Variants in SCAI observed in about 807,000 individuals in gnomAD.
SCAI encodes protein SCAI.
Under a neutral mutation model 92.2 loss-of-function variants are expected in SCAI, and 24 were observed. The ratio of observed to expected loss-of-function variants is 0.26; its 90% CI spans 0.19 to 0.37. The LOEUF (loss-of-function observed/expected upper bound fraction) is 0.37. SCAI is among the 10% of genes least tolerant of loss of function. The pLI is 1.00. For missense variants in SCAI, 450 were observed against 736.2 expected (o/e 0.61, Z 4.50); for synonymous variants, 261 against 258.6 (o/e 1.01, Z -0.09).
intron 9 of SCAI, among the ~76,000 whole-genome samples, chr9:125,017,021 G>A (rs1370118099): frequency 1.3e-5 from 2 of 152,062 alleles, no homozygotes; most frequent in Admixed American, 1.3e-4. Flanking sequence ...GGCAAGACAA[G>A]AGTAGGAGAA....
intron 3 of SCAI, among the ~76,000 whole-genome samples, chr9:125,048,177 C>A (rs1037400141): frequency 6.6e-6 from 1 of 152,090 alleles, no homozygotes; most frequent in Admixed American, 6.5e-5. Context: ...GGGGTTTCAC[C>A]ATGTTGGTCA....
intron 4 of SCAI, among the ~76,000 whole-genome samples, chr9:125,028,958 C>A (rs564175050): frequency 2.0e-5 from 3 of 151,436 alleles, no homozygotes; most frequent in African/African-American, 7.3e-5. Context: ...CCACCATGCC[C>A]GACTAATTTT....
chr9:124,958,221 G>A (rs75751858), intron 17 of SCAI, among the ~76,000 whole-genome samples: 2,545 of 152,186 alleles, frequency 0.017, 72 homozygotes, highest in African/African-American at 0.059. Flanking sequence ...AATGTGACAT[G>A]GATGCTAAAA....
intron 14 of SCAI, among the ~76,000 whole-genome samples, chr9:124,982,352 A>G (rs540855133): frequency 6.6e-6 from 1 of 152,216 alleles, no homozygotes; most frequent in African/African-American, 2.4e-5. Flanking sequence ...ATTGCCCTAA[A>G]TTGTATATCT....
At chr9:124,954,913 C>G (rs1203294549) in intron 17 of SCAI, among the ~76,000 whole-genome samples, 1 of 151,654 alleles carries the variant, frequency 6.6e-6, no homozygotes, top group African/African-American at 2.4e-5. Flanking sequence ...CCCTTGTAAT[C>G]CCAGCACACT....
intron 2 of SCAI, among the ~76,000 whole-genome samples, chr9:125,109,843 C>T (rs571950408): frequency 3.3e-5 from 5 of 152,086 alleles, no homozygotes; most frequent in South Asian, 2.1e-4. Context: ...CGCACCACCA[C>T]GCCCAGCTAA....
At chr9:124,997,190 C>T (rs1832255067) in intron 13 of SCAI, among the ~76,000 whole-genome samples, 2 of 152,276 alleles carry the variant, frequency 1.3e-5, no homozygotes, top group East Asian at 1.9e-4. Flanking sequence ...AGAGCCAACA[C>T]GATGCCACAA....
chr9:125,076,530 T>C (rs530494195), intron 2 of SCAI, among the ~76,000 whole-genome samples: 4 of 151,082 alleles, frequency 2.6e-5, no homozygotes, highest in African/African-American at 9.7e-5. Flanking sequence ...CAAAACTGTG[T>C]GGCCTGCACT....
At chr9:125,069,617 C>CTTTTTTT (rs919064250) in intron 2 of SCAI, among the ~76,000 whole-genome samples, 4 of 91,030 alleles carry the variant, frequency 4.4e-5, no homozygotes, top group Non-Finnish European at 8.2e-5. Context: ...TGCACCCGGT[C>CTTTTTTT]TTTTTTTTTT....
At chr9:125,099,886 A>G (rs1409931157) in intron 2 of SCAI, among the ~76,000 whole-genome samples, 1 of 152,254 alleles carries the variant, frequency 6.6e-6, no homozygotes, top group Non-Finnish European at 1.5e-5. Context: ...TTTATAGCTA[A>G]ATAATATCCC....
At chr9:125,058,910 G>C (rs1156919603) in intron 2 of SCAI, among the ~76,000 whole-genome samples, 1 of 152,120 alleles carries the variant, frequency 6.6e-6, no homozygotes, top group Admixed American at 6.6e-5. Context: ...TGGCCAAACA[G>C]GGTAATTTCA....
intron 2 of SCAI, among the ~76,000 whole-genome samples, chr9:125,066,376 G>C (rs949363428): frequency 6.6e-6 from 1 of 152,236 alleles, no homozygotes; most frequent in South Asian, 2.1e-4. Flanking sequence ...CTCACCCAAA[G>C]CAACTTCCAG....
chr9:125,080,933 A>C (rs968475917), intron 2 of SCAI, among the ~76,000 whole-genome samples: 33 of 152,328 alleles, frequency 2.2e-4, no homozygotes, highest in African/African-American at 7.9e-4. Context: ...CCTGATAGTG[A>C]ATAAGTCTCA....
At chr9:125,059,396 G>C (rs1329436527) in intron 2 of SCAI, among the ~76,000 whole-genome samples, 6 of 152,196 alleles carry the variant, frequency 3.9e-5, no homozygotes, top group Non-Finnish European at 7.3e-5. Context: ...GAGACAACTG[G>C]TAAGGCCTGA....
intron 9 of SCAI, among the ~76,000 whole-genome samples, chr9:125,005,427 G>T (rs755152589): frequency 6.6e-6 from 1 of 152,142 alleles, no homozygotes; most frequent in South Asian, 2.1e-4. Flanking sequence ...CGCCTCCCAC[G>T]TTCAAGTGAT....
chr9:125,011,525 G>A (rs10986518), intron 9 of SCAI, among the ~76,000 whole-genome samples: 7 of 152,286 alleles, frequency 4.6e-5, no homozygotes, highest in East Asian at 3.9e-4. Flanking sequence ...AAGAAATATG[G>A]GACTATGTGA....
intron 2 of SCAI, among the ~76,000 whole-genome samples, chr9:125,085,104 T>C (rs944557453): frequency 2.6e-5 from 4 of 152,182 alleles, no homozygotes; most frequent in Admixed American, 6.5e-5. Flanking sequence ...AAAAGGCAAA[T>C]GTAATTACAT....
At chr9:125,043,619 C>A (rs1271613077) in intron 3 of SCAI, among the ~76,000 whole-genome samples, 1 of 152,190 alleles carries the variant, frequency 6.6e-6, no homozygotes, top group Non-Finnish European at 1.5e-5. Flanking sequence ...TGGCACCACA[C>A]TCAGCTAATA....
intron 2 of SCAI, among the ~76,000 whole-genome samples, chr9:125,064,511 A>G (rs1407872075): frequency 6.6e-6 from 1 of 152,192 alleles, no homozygotes; most frequent in African/African-American, 2.4e-5. Context: ...CCTTCTGACC[A>G]CACTGCAAGT....
Sources: allele counts gnomAD v4.1 joint callset (sites outside exome capture counted in the v4.1 genomes callset), GRCh38; gene constraint gnomAD v4.1.1; transcripts MANE v1.5; gene names NCBI Gene and HGNC (gene_info 2026-07-23, HGNC 2026-07-21).